Variants in CAMKMT observed in about 807,000 individuals in gnomAD.
The protein encoded by CAMKMT is calmodulin-lysine N-methyltransferase.
In CAMKMT, 53 loss-of-function variants were observed where a neutral mutation model predicts 48.0. The observed-to-expected ratio is 1.10, with a 90% confidence interval of 0.89 to 1.39. The LOEUF (loss-of-function observed/expected upper bound fraction) is 1.39, where lower values mean the gene tolerates loss of function less well. Ranked by LOEUF, CAMKMT falls within the 40% of genes most tolerant of loss-of-function variation. The probability of loss-of-function intolerance (pLI) is 0.00; values close to 1 mark genes in which losing one functional copy is unlikely to be tolerated. For missense variants in CAMKMT, 428 were observed against 402.7 expected (o/e 1.06, Z -0.54); for synonymous variants, 165 against 152.3 (o/e 1.08, Z -0.61).
intron 3 of CAMKMT, among the ~76,000 whole-genome samples, chr2:44,576,422 A>G (rs141246277): frequency 6.6e-6 from 1 of 152,236 alleles, no homozygotes; most frequent in Non-Finnish European, 1.5e-5. Context: ...TCTGAAGTAG[A>G]GTATAGAAGT....
chr2:44,592,697 A>T (rs962058533), intron 3 of CAMKMT, among the ~76,000 whole-genome samples: 2 of 152,238 alleles, frequency 1.3e-5, no homozygotes, highest in African/African-American at 4.8e-5. Context: ...TACAGGGTTC[A>T]GTCCTATCTG....
intron 3 of CAMKMT, among the ~76,000 whole-genome samples, chr2:44,539,720 T>C (rs1389783511): frequency 2.0e-5 from 3 of 152,194 alleles, no homozygotes; most frequent in African/African-American, 7.2e-5. Flanking sequence ...AGTTATTTTG[T>C]TGAATGTCCT....
In CAMKMT at chr2:44,707,473, T is replaced by G. The variant is rs558423785; in HGVS notation, c.556+11T>G. 6.2e-7 allele frequency: 1 copy of G among 1,610,482 alleles called. No homozygotes were observed. Among genetic ancestry groups the G allele is most frequent in the South Asian group, 1.1e-5 (1 of 90,234 alleles). ...AAAAGGCCATCAGAAGTATCCTTAT[T>G]CAGATAGAAAACGGGTTTGTTGTGC... On this transcript the variant is annotated intron_variant, in intron 6 of 10. Transcript: ENST00000378494.
chr2:44,430,556 C>T (rs371699886), intron 3 of CAMKMT, among the ~76,000 whole-genome samples: 4 of 151,316 alleles, frequency 2.6e-5, no homozygotes, highest in African/African-American at 9.7e-5. Context: ...ATTTGTTCTT[C>T]AGCTCATTCA....
At chr2:44,755,634 C>A (rs1265826068) in intron 9 of CAMKMT, among the ~76,000 whole-genome samples, 4 of 152,120 alleles carry the variant, frequency 2.6e-5, no homozygotes, top group African/African-American at 9.7e-5. Flanking sequence ...AAATCATTCG[C>A]ATGATTTACA....
intron 9 of CAMKMT, among the ~76,000 whole-genome samples, chr2:44,765,885 C>T (rs1680822049): frequency 6.6e-6 from 1 of 152,166 alleles, no homozygotes; most frequent in South Asian, 2.1e-4. Context: ...AGCGTGGTCA[C>T]AGAAAAGGCT....
intron 3 of CAMKMT, among the ~76,000 whole-genome samples, chr2:44,421,408 A>G (rs1011118944): frequency 1.3e-5 from 2 of 152,182 alleles, no homozygotes; most frequent in Admixed American, 1.3e-4. Flanking sequence ...TCTCTCAGCT[A>G]AGAATTCCTT....
At chr2:44,727,797 G>A (rs1016464051) in intron 7 of CAMKMT, among the ~76,000 whole-genome samples, 1 of 152,148 alleles carries the variant, frequency 6.6e-6, no homozygotes, top group Non-Finnish European at 1.5e-5. Flanking sequence ...TGCTTAGTCT[G>A]TTGAGGTTTT....
At chr2:44,641,951 T>G (rs1041158326) in intron 3 of CAMKMT, among the ~76,000 whole-genome samples, 9 of 152,178 alleles carry the variant, frequency 5.9e-5, no homozygotes, top group African/African-American at 2.2e-4. Context: ...TTTCCCAGCA[T>G]CTACTGAGCT....
chr2:44,730,992 C>T (rs1679050299), intron 7 of CAMKMT, among the ~76,000 whole-genome samples: 2 of 152,174 alleles, frequency 1.3e-5, no homozygotes, highest in Admixed American at 6.5e-5. Context: ...AGAATTCTAT[C>T]AGTGCACTAC....
chr2:44,420,461 T>C (rs1222868974), intron 3 of CAMKMT, among the ~76,000 whole-genome samples: 1 of 152,146 alleles, frequency 6.6e-6, no homozygotes, highest in African/African-American at 2.4e-5. Flanking sequence ...AAAATTTGCA[T>C]ATAACTTTTG....
intron 3 of CAMKMT, among the ~76,000 whole-genome samples, chr2:44,607,917 C>A (rs1671376616): frequency 1.3e-5 from 2 of 151,618 alleles, no homozygotes; most frequent in South Asian, 4.2e-4. Context: ...CCCAATATAC[C>A]CATTAGCATG....
chr2:44,626,684 G>C (rs1672501314), intron 3 of CAMKMT, among the ~76,000 whole-genome samples: 1 of 151,824 alleles, frequency 6.6e-6, no homozygotes, highest in African/African-American at 2.4e-5. Context: ...ATTCATGAGA[G>C]CTTCACCCTC....
chr2:44,418,984 T>A (rs1041568736), intron 3 of CAMKMT, among the ~76,000 whole-genome samples: 1 of 152,222 alleles, frequency 6.6e-6, no homozygotes, highest in South Asian at 2.1e-4. Context: ...TCCTAAATAT[T>A]GCATTTTAAA....
chr2:44,687,469 T>A (rs1386162549), intron 3 of CAMKMT, among the ~76,000 whole-genome samples: 1 of 152,210 alleles, frequency 6.6e-6, no homozygotes, highest in South Asian at 2.1e-4. Flanking sequence ...AATGCATTAT[T>A]TCTCCTTTGA....
chr2:44,664,520 C>T (rs1398258759), intron 3 of CAMKMT, among the ~76,000 whole-genome samples: 1 of 152,200 alleles, frequency 6.6e-6, no homozygotes, highest in African/African-American at 2.4e-5. Flanking sequence ...ATTATTGGCT[C>T]AGCTTTTATT....
chr2:44,760,404 A>G (rs1393186799), intron 9 of CAMKMT, among the ~76,000 whole-genome samples: 1 of 151,900 alleles, frequency 6.6e-6, no homozygotes, highest in East Asian at 1.9e-4. Context: ...ATGAATGGCC[A>G]TCGAGACCAT....
At chr2:44,595,948 C>T (rs1670627250) in intron 3 of CAMKMT, among the ~76,000 whole-genome samples, 1 of 148,766 alleles carries the variant, frequency 6.7e-6, no homozygotes, top group African/African-American at 2.5e-5. Context: ...AACACATGAA[C>T]ATGGGGCTGG....
chr2:44,628,878 A>G (rs1194795998), intron 3 of CAMKMT, among the ~76,000 whole-genome samples: 2 of 152,194 alleles, frequency 1.3e-5, no homozygotes, highest in African/African-American at 4.8e-5. Context: ...TGGTCAGAGA[A>G]TAGAGTCTGG....
Sources: gnomAD v4.1 joint callset for allele counts (sites outside exome capture counted in the v4.1 genomes callset) on GRCh38, gnomAD v4.1.1 for gene constraint, MANE v1.5 for transcripts, NCBI Gene and HGNC (gene_info 2026-07-23, HGNC 2026-07-21) for gene names.